The following PAEP variants were observed in gnomAD, a reference collection of about 807,000 sequenced individuals.
PAEP encodes glycodelin.
In PAEP, 28 loss-of-function variants were observed where a neutral mutation model predicts 23.0. That is an observed-to-expected ratio of 1.22 (90% CI 0.90 to 1.67). PAEP has a LOEUF of 1.67. Among genes scored for constraint, PAEP ranks in the 40% most tolerant of loss-of-function variants. The pLI is 0.00. For missense variants in PAEP, 209 were observed against 226.4 expected (o/e 0.92, Z 0.49); for synonymous variants, 103 against 92.4 (o/e 1.12, Z -0.66).
In PAEP at chr9:135,562,698, C is replaced by T. The variant is rs540230403; in HGVS notation, c.237-122C>T. The T allele has an allele frequency of 1.9e-4, 165 of 880,820 alleles. 1 individual carries two copies. Among genetic ancestry groups the T allele is most frequent in the African/African-American group, 1.5e-3 (89 of 60,564 alleles). 54.6% of individuals were successfully genotyped at this position (880,820 alleles called of 1,614,324 possible). On this transcript the variant is annotated intron_variant, in intron 2 of 6. Transcript: ENST00000479141. ...GGTCAGACTGAGGAGAAGGTCTGGG[C>T]GGCTGCGGGCTGCGGTGCTCCTTGG...
chr9:135,563,190 G>T (rs1275678916), intron 3 of PAEP, among the ~76,000 whole-genome samples: 3 of 152,260 alleles, frequency 2.0e-5, no homozygotes, highest in Admixed American at 2.0e-4. Context: ...CTCACAAAAG[G>T]CCAGGGAGGC....
At chr9:135,562,986 G>A (rs1013468754) in intron 3 of PAEP, 93 bp downstream of exon 3, 1 of 934,290 alleles carries the variant, frequency 1.1e-6, no homozygotes, top group African/African-American at 1.6e-5. Context: ...AGGGAGTGGG[G>A]CCTGGCCTGT....
intron 6 of PAEP, 118 bp downstream of exon 6, chr9:135,565,919 C>T: frequency 9.1e-7 from 1 of 1,104,012 alleles, no homozygotes; most frequent in Admixed American, 1.7e-5. Context: ...GCTGACCCTA[C>T]AGGAATGAAC....
At chr9:135,562,225 C>G in intron 1 of PAEP, 69 bp from the exon 2 acceptor site, 1 of 1,561,592 alleles carries the variant, frequency 6.4e-7, no homozygotes, top group Non-Finnish European at 8.7e-7. Flanking sequence ...TAGACTCAGC[C>G]CCGTCTGCAC....
intron 1 of PAEP, 71 bp from the exon 2 acceptor site, chr9:135,562,223 G>T: frequency 6.4e-7 from 1 of 1,557,098 alleles, no homozygotes; most frequent in Non-Finnish European, 8.7e-7. Flanking sequence ...GTTAGACTCA[G>T]CCCCGTCTGC....
chr9:135,562,952 C>A (rs1433307661), intron 3 of PAEP, 59 bp downstream of exon 3: 1 of 1,363,678 alleles, frequency 7.3e-7, no homozygotes, highest in South Asian at 1.2e-5. Context: ...CACGCTCTCC[C>A]AGAGGCGGCT....
chr9:135,566,148 G>A (rs1042413080), intron 6 of PAEP: 2 of 295,494 alleles, frequency 6.8e-6, no homozygotes, highest in East Asian at 1.3e-4. Flanking sequence ...CTGGGGACCT[G>A]CAGGTCTCGG....
intron 3 of PAEP, among the ~76,000 whole-genome samples, chr9:135,563,692 A>G (rs1156565055): frequency 6.6e-6 from 1 of 152,172 alleles, no homozygotes; most frequent in African/African-American, 2.4e-5. Context: ...CTTCCTAACA[A>G]TTTGCAACAT....
At chr9:135,563,174 T>G (rs75568599) in intron 3 of PAEP, among the ~76,000 whole-genome samples, 2,241 of 152,330 alleles carry the variant, frequency 0.015, 49 homozygotes, top group African/African-American at 0.051. Context: ...CACTGTTCAC[T>G]CTGGCCTCAC....
At chr9:135,562,648 C>G (rs960530061) in intron 2 of PAEP, among the ~76,000 whole-genome samples, 172 bp from the exon 3 acceptor site, 2 of 152,196 alleles carry the variant, frequency 1.3e-5, no homozygotes, top group Admixed American at 1.3e-4. Context: ...TCTGGGCCAA[C>G]AGCCAACCAC....
chr9:135,564,205 G>A (rs900976278), intron 3 of PAEP, 39 bp from the exon 4 acceptor site: 41 of 1,551,018 alleles, frequency 2.6e-5, no homozygotes, highest in Non-Finnish European at 3.4e-5. Context: ...CTGAGACGGA[G>A]GCTTCATCTT....
At chr9:135,564,764 A>T in intron 4 of PAEP, 1 of 980,692 alleles carries the variant, frequency 1.0e-6, no homozygotes, top group South Asian at 4.7e-5. Context: ...TTGGCCTCCC[A>T]AAGGGCTGGG....
intron 1 of PAEP, 106 bp from the exon 2 acceptor site, chr9:135,562,188 T>C (rs1832329542): frequency 7.8e-7 from 1 of 1,287,628 alleles, no homozygotes; most frequent in Non-Finnish European, 1.1e-6. Flanking sequence ...CAGACAACCA[T>C]CCAATGCTCA....
chr9:135,566,189 A>C, intron 6 of PAEP: 1 of 202,414 alleles, frequency 4.9e-6, no homozygotes, highest in East Asian at 1.3e-4. Context: ...TTCTTTTTTT[A>C]AGATGGAGTC....
intron 6 of PAEP, 76 bp downstream of exon 6, chr9:135,565,877 C>G: frequency 1.3e-6 from 2 of 1,484,852 alleles, no homozygotes; most frequent in Non-Finnish European, 1.9e-6. Flanking sequence ...TCTCTGGGCC[C>G]CTGGGACAGA....
In PAEP at chr9:135,564,332, G is replaced by T; in HGVS notation, c.399G>T (p.Gln133His). 6.4e-7 allele frequency: 1 copy of T among 1,550,960 alleles called. No individual in the cohort carries two copies. Among genetic ancestry groups the T allele is most frequent in the Non-Finnish European group, 8.7e-7 (1 of 1,147,270 alleles). Residue 133 changes from glutamine to histidine, a missense_variant, in exon 4 of 7, where the codon CAG (glutamine) becomes CAT (histidine). Gln to His is a conservative substitution (Grantham distance 24, BLOSUM62 0). Transcript: ENST00000479141. ...LCLQDTTTPI[Q>H]SMMCQYLARV... ...TACAGGACACCACCACCCCCATCCAGAGCATGATGTGCCAGTACCTGGGTG... is the reference window on the plus strand; with the variant it reads ...TACAGGACACCACCACCCCCATCCATAGCATGATGTGCCAGTACCTGGGTG...
chr9:135,564,775 A>T, intron 4 of PAEP: 8 of 984,110 alleles, frequency 8.1e-6, no homozygotes, highest in Non-Finnish European at 9.7e-6. Flanking sequence ...AAGGGCTGGG[A>T]TTACAGGCGT....
Position 135,565,778 on chromosome 9 carries a change from C to T in PAEP, c.527-7C>T, listed in dbSNP as rs1284166368. On this transcript the variant is annotated splice_region_variant and splice_polypyrimidine_tract_variant and intron_variant, in intron 5 of 6. Coordinates refer to ENST00000479141, the MANE Select transcript of PAEP (RefSeq NM_002571.4). ...TGACACCTCCACTGTCCCATCTCCT[C>T]CCACAGAGCCGTGCCGTTTCTAGGT... 1.2e-6 allele frequency: 2 copies of T among 1,614,148 alleles called. No homozygotes were observed. Among genetic ancestry groups the T allele is most frequent in the Non-Finnish European group, 1.7e-6 (2 of 1,180,010 alleles).
intron 1 of PAEP, 122 bp downstream of exon 1, chr9:135,562,019 T>C: frequency 1.2e-6 from 1 of 833,570 alleles, no homozygotes; most frequent in Non-Finnish European, 1.9e-6. Context: ...CGCCATGACG[T>C]CAGGAAGCCC....
Sources: gnomAD v4.1 joint callset for allele counts (sites outside exome capture counted in the v4.1 genomes callset) on GRCh38, gnomAD v4.1.1 for gene constraint, MANE v1.5 for transcripts, NCBI Gene and HGNC (gene_info 2026-07-23, HGNC 2026-07-21) for gene names.